CC2D1B: variants seen among roughly 807,000 people sequenced by gnomAD.
CC2D1B encodes coiled-coil and C2 domain-containing protein 1B.
A neutral mutation model predicts 110.8 loss-of-function variants in CC2D1B; 92 were observed. That is an observed-to-expected ratio of 0.83 (90% CI 0.70 to 0.99). The LOEUF is 0.99. CC2D1B is among the 50% of genes least tolerant of loss of function. The pLI is 0.00. For synonymous variants in CC2D1B, 406 were observed against 429.2 expected, an observed-to-expected ratio of 0.95 and a Z score of 0.67; for missense variants, 1,136 against 1,089.0, an observed-to-expected ratio of 1.04 and a Z score of -0.61.
Position 52,352,162 on chromosome 1 carries a change from CA to C in CC2D1B, c.*1062del, listed in dbSNP as rs141261574. 1,591 of 151,850 alleles carry C rather than the reference CA, an allele frequency of 0.01. 18 individuals carry two copies. The highest frequency in any genetic ancestry group is 0.016 in the Non-Finnish European group (1,075 of 67,976). 9.4% of individuals were successfully genotyped at this position (151,850 alleles called of 1,614,324 possible). On this transcript the variant is annotated 3_prime_UTR_variant, in exon 25 of 25. Transcript: ENST00000284376. Reference sequence around the variant, plus strand: ...CTTTGTTGATCTTGAATTAATAATTCAAAAAGGGGGTGGGGGAAGATGGGGT... The same window carrying C: ...CTTTGTTGATCTTGAATTAATAATTCAAAAGGGGGTGGGGGAAGATGGGGT...
Position 52,362,724 on chromosome 1 carries a change from C to G in CC2D1B, c.92G>C (p.Gly31Ala), listed in dbSNP as rs767978748. Reference protein sequence around the residue: ...AKQMGLFMEFGPEDMLLGMDE... With the variant: ...AKQMGLFMEFAPEDMLLGMDE... ...CATGCCCAGCAGCATGTCCTCAGGG[C>G]CAAACTCCATAAAGAGCCCCATCTG... Residue 31 changes from glycine to alanine, a missense_variant, in exon 3 of 25, where the codon GGC (glycine) becomes GCC (alanine). Coordinates refer to ENST00000284376, the MANE Select transcript of CC2D1B (RefSeq NM_001330585.2). The G allele has an allele frequency of 6.2e-7, 1 of 1,614,078 alleles. No homozygotes were observed. The highest frequency in any genetic ancestry group is 2.2e-5 in the East Asian group (1 of 44,886).
rs564687531 is a variant in CC2D1B, at chr1:52,353,814, G to A, written c.2431-167C>T. 8 of 564,062 alleles carry A rather than the reference G, an allele frequency of 1.4e-5. No homozygotes were observed. In the Admixed American group the frequency reaches 2.1e-4, roughly 15 times the overall value. The allele number at this position is 564,062 out of a possible 1,614,324, so 34.9% of individuals were successfully genotyped here. On this transcript the variant is annotated intron_variant, in intron 23 of 24. Coordinates refer to ENST00000284376, the MANE Select transcript of CC2D1B (RefSeq NM_001330585.2). ...TACCCTCCCAGTATTTGGAGGAGGA[G>A]GTGGTGGTGGTTTTAGGTGAGTCTT...
chr1:52,359,288 A>G lies in CC2D1B; in HGVS notation c.1088T>C (p.Val363Ala), dbSNP rs770184670. The change falls in exon 10 of 25, where the codon GTG becomes GCG. Residue 363 changes from valine (V) to alanine (A), a missense_variant. Transcript: ENST00000284376. ...GACGTCAGGGGCCATCACTGGCTGC[A>G]CTCGCTCCACGGCTGGGGGAATGAC... The part of the protein sequence containing the change: ...PSVIPPAVER[V>A]QPVMAPDVPA... 13 of 1,613,134 alleles carry G rather than the reference A, an allele frequency of 8.1e-6. No individual in the cohort carries two copies. The South Asian group carries it at 1.4e-4, about 18-fold the overall frequency.
At chr1:52,358,559 G>A in intron 12 of CC2D1B, 98 bp from the exon 13 acceptor site, 1 of 1,591,516 alleles carries the variant, frequency 6.3e-7, no homozygotes, top group Non-Finnish European at 8.6e-7. Context: ...GCTGGGGCAT[G>A]GCTGGGATGG....
chr1:52,358,016 G>A, intron 13 of CC2D1B, 118 bp from the exon 14 acceptor site: 1 of 1,416,210 alleles, frequency 7.1e-7, no homozygotes, highest in Non-Finnish European at 9.4e-7. Flanking sequence ...CCTGAGATGG[G>A]TGGCTTCTCT....
intron 23 of CC2D1B, chr1:52,353,897 C>T: frequency 2.6e-6 from 1 of 391,746 alleles, no homozygotes; most frequent in Non-Finnish European, 4.6e-6. Context: ...TCATTTTCTC[C>T]TCAATCCCCA....
At position 52,354,750 on chromosome 1, in the gene CC2D1B, T is replaced by C. The variant is rs757521860; in HGVS notation, c.2340-52A>G. The stretch of plus-strand genomic sequence containing the variant: ...TTGGACTGGGCAGGGAAGGCAGGAA[T>C]GTGCTGGCTGAGCCCATGCAGGGGC... On this transcript the variant is annotated intron_variant, in intron 22 of 24. Transcript: ENST00000284376. The C allele has an allele frequency of 1.3e-5, 21 of 1,606,016 alleles. No individual in the cohort carries two copies. The South Asian group carries it at 1.9e-4, about 14-fold the overall frequency.
At chr1:52,364,684 C>G in intron 1 of CC2D1B, 50 bp from the exon 2 acceptor site, 1 of 1,263,164 alleles carries the variant, frequency 7.9e-7, no homozygotes, top group Non-Finnish European at 1.1e-6. Context: ...TAAGCCACGC[C>G]CCCAACAGTG....
chr1:52,353,460 G>GTAGTT (rs1553139817), intron 24 of CC2D1B, 58 bp downstream of exon 24: 4 of 1,559,158 alleles, frequency 2.6e-6, no homozygotes, highest in South Asian at 1.2e-5. Flanking sequence ...TATGAGTTGA[G>GTAGTT]TAGTTAGTTG....
Position 52,359,772 on chromosome 1 carries a change from A to C in CC2D1B, c.875T>G (p.Val292Gly). 1.9e-6 allele frequency: 3 copies of C among 1,611,164 alleles called. No individual in the cohort carries two copies. Among genetic ancestry groups the C allele is most frequent in the Non-Finnish European group, 2.5e-6 (3 of 1,178,728 alleles). ...LLSSRQREYK[V>G]AALSAKRAGE... ...AGCCCGCTTGGCACTGAGGGCAGCC[A>C]CTTTGTACTCTCTCTGTCGGGATGA... is the stretch of plus-strand genomic sequence containing the variant. The change falls in exon 8 of 25, where the codon GTG (valine) becomes GGG (glycine). Residue 292 changes from valine (V) to glycine (G), a missense_variant. Val to Gly is a moderately radical substitution (Grantham distance 109). Transcript: ENST00000284376.
intron 23 of CC2D1B, among the ~76,000 whole-genome samples, chr1:52,354,048 T>A (rs1277610712): frequency 1.3e-5 from 2 of 152,130 alleles, no homozygotes; most frequent in Non-Finnish European, 2.9e-5. Context: ...CAGGGTTCCT[T>A]CCCATTCACC....
chr1:52,358,599 G>T (rs1359147207), intron 12 of CC2D1B, 87 bp downstream of exon 12: 1 of 1,565,718 alleles, frequency 6.4e-7, no homozygotes, highest in South Asian at 1.1e-5. Context: ...GCAGACGCAT[G>T]AGAAGTGGGA....
chr1:52,365,637 AAAG>A (rs2147899486), intron 1 of CC2D1B, among the ~76,000 whole-genome samples: 1 of 152,348 alleles, frequency 6.6e-6, no homozygotes, highest in South Asian at 2.1e-4. Context: ...GGGCGCTGGG[AAAG>A]AAGTGGCGGG....
chr1:52,363,355 A>T (rs537490215), intron 2 of CC2D1B, among the ~76,000 whole-genome samples: 18 of 150,568 alleles, frequency 1.2e-4, no homozygotes, highest in African/African-American at 4.4e-4. Flanking sequence ...AGATGGCGCC[A>T]CTGCACTCCA....
intron 16 of CC2D1B, 36 bp from the exon 17 acceptor site, chr1:52,356,478 G>A: frequency 6.2e-7 from 1 of 1,611,770 alleles, no homozygotes; most frequent in South Asian, 1.1e-5. Context: ...CCCGAGCCCA[G>A]AGCAGGACCT....
chr1:52,363,682 T>G (rs2147897898), intron 2 of CC2D1B, among the ~76,000 whole-genome samples: 1 of 147,548 alleles, frequency 6.8e-6, no homozygotes, highest in East Asian at 2.0e-4. Flanking sequence ...GGTACATCCT[T>G]TTTTTTTTTT....
In CC2D1B at chr1:52,361,025, AGT is replaced by A. The variant is rs1557553128; in HGVS notation, c.424_425del (p.Thr142Ter). 1.2e-6 allele frequency: 2 copies of A among 1,614,140 alleles called. No individual in the cohort carries two copies. The highest frequency in any genetic ancestry group is 1.7e-6 in the Non-Finnish European group (2 of 1,180,010). On this transcript the variant is annotated frameshift_variant, in exon 5 of 25. Coordinates refer to ENST00000284376, the MANE Select transcript of CC2D1B (RefSeq NM_001330585.2). LOFTEE classifies it high-confidence loss of function. ...GGACGGCTGTCTGCACTGGAGGTTC[AGT>A]GTCTTCTAGGCCGTTCTCCTCCTCA... is the stretch of plus-strand genomic sequence containing the variant. ...GSEEENGLEDTEPPVQTAVLT... is the reference protein window; with the variant it reads ...GSEEENGLEDXEPPVQTAVLT...
At chr1:52,354,767 T>C (rs1041477395) in intron 22 of CC2D1B, 69 bp from the exon 23 acceptor site, 4 of 1,600,580 alleles carry the variant, frequency 2.5e-6, no homozygotes, top group South Asian at 1.1e-5. Flanking sequence ...GCTGAGCCCA[T>C]GCAGGGGCAG....
At position 52,361,103 on chromosome 1, in the gene CC2D1B, G is replaced by A. The variant is rs200076731; in HGVS notation, c.348C>T (p.Asp116=). Residue 116 remains aspartate, a synonymous_variant, in exon 5 of 25, where the codon GAC becomes GAT. Transcript: ENST00000284376. The stretch of plus-strand genomic sequence containing the variant: ...CACCATCCAGGGGCTCAGTCTCCTC[G>A]TCCACACCTAAGACCTCCTGCAGCT... ...LTELQEVLGV[D]EETEPLDGDE... 1.1e-5 allele frequency: 17 copies of A among 1,613,820 alleles called. No homozygotes were observed. Among genetic ancestry groups the A allele is most frequent in the Admixed American group, 6.7e-5 (4 of 59,992 alleles).
Sources: gnomAD v4.1 joint callset for allele counts (sites outside exome capture counted in the v4.1 genomes callset) on GRCh38, gnomAD v4.1.1 for gene constraint, MANE v1.5 for transcripts, NCBI Gene and HGNC (gene_info 2026-07-23, HGNC 2026-07-21) for gene names.